TOR1AIP1: variants seen among roughly 807,000 people sequenced by gnomAD.
TOR1AIP1 encodes the protein torsin-1A-interacting protein 1.
A neutral mutation model predicts 63.3 loss-of-function variants in TOR1AIP1; 54 were observed. That is an observed-to-expected ratio of 0.85 (90% confidence interval 0.69 to 1.07). The LOEUF (loss-of-function observed/expected upper bound fraction) is 1.07. Among genes scored for constraint, TOR1AIP1 ranks in the 50% least tolerant of loss-of-function variants. TOR1AIP1 has a pLI of 0.00. For missense variants in TOR1AIP1, 736 were observed against 715.0 expected (o/e 1.03, Z -0.33); for synonymous variants, 294 against 273.5 (o/e 1.07, Z -0.74).
chr1:179,889,188 ACTT>A (rs1263471678), intron 2 of TOR1AIP1, 122 bp from the exon 3 acceptor site: 1 of 610,834 alleles, frequency 1.6e-6, no homozygotes, highest in Admixed American at 3.4e-5. Flanking sequence ...GCTTGTCTCT[ACTT>A]CTCTAGCGTA....
At chr1:179,883,999 G>A (rs1279490063) in intron 1 of TOR1AIP1, 1 of 189,600 alleles carries the variant, frequency 5.3e-6, no homozygotes, top group Non-Finnish European at 1.1e-5. Flanking sequence ...CACGGTGATA[G>A]GCTGCAAGTT....
chr1:179,911,187 G>A (rs1483584057), intron 8 of TOR1AIP1, among the ~76,000 whole-genome samples: 3 of 152,172 alleles, frequency 2.0e-5, no homozygotes, highest in East Asian at 3.8e-4. Context: ...ATAGAACGAT[G>A]AGCAAGAAGA....
chr1:179,917,624 C>T lies in TOR1AIP1; in HGVS notation c.1137C>T (p.Tyr379=), dbSNP rs1300256099. The T allele has an allele frequency of 1.9e-6, 3 of 1,614,098 alleles. No homozygotes were observed. Among genetic ancestry groups the T allele is most frequent in the South Asian group, 1.1e-5 (1 of 91,076 alleles). ...AGATGAATCAACTTAAGAATAAGTACCAAGGTCAAGATGAGAAGCTGTGGA... is the reference window on the plus strand; with the variant it reads ...AGATGAATCAACTTAAGAATAAGTATCAAGGTCAAGATGAGAAGCTGTGGA... ...QNQMNQLKNK[Y]QGQDEKLWKR... The change falls in exon 10 of 10, where the codon TAC becomes TAT. Residue 379 remains tyrosine (Y), a synonymous_variant. Coordinates refer to ENST00000606911, the MANE Select transcript of TOR1AIP1 (RefSeq NM_015602.4).
At chr1:179,883,851 C>T in intron 1 of TOR1AIP1, 1 of 325,988 alleles carries the variant, frequency 3.1e-6, no homozygotes, top group South Asian at 2.3e-5. Flanking sequence ...GGACCTAACA[C>T]TGAGTCACAG....
At chr1:179,896,217 C>T (rs1204411524) in intron 3 of TOR1AIP1, among the ~76,000 whole-genome samples, 2 of 152,144 alleles carry the variant, frequency 1.3e-5, no homozygotes, top group East Asian at 3.9e-4. Context: ...TAGCAAAAAT[C>T]TGGACTTAAC....
chr1:179,916,753 G>C (rs1371935783), intron 9 of TOR1AIP1, among the ~76,000 whole-genome samples: 2 of 127,738 alleles, frequency 1.6e-5, no homozygotes, highest in African/African-American at 3.0e-5. Flanking sequence ...ACCCAGGCTG[G>C]AGTGCAGTGG....
chr1:179,893,031 A>G (rs974023425), intron 3 of TOR1AIP1, among the ~76,000 whole-genome samples: 1 of 152,160 alleles, frequency 6.6e-6, no homozygotes, highest in Non-Finnish European at 1.5e-5. Flanking sequence ...ACCTGAGGTC[A>G]GGAGTTTGAG....
chr1:179,911,864 G>T (rs1180320805), intron 8 of TOR1AIP1, among the ~76,000 whole-genome samples: 3 of 151,906 alleles, frequency 2.0e-5, no homozygotes, highest in African/African-American at 7.2e-5. Context: ...AATGTTTTCT[G>T]TAGAATCAAT....
chr1:179,899,411 T>C (rs1648379648), intron 3 of TOR1AIP1, among the ~76,000 whole-genome samples: 2 of 152,228 alleles, frequency 1.3e-5, no homozygotes, highest in South Asian at 4.1e-4. Context: ...GAAGTTTCTT[T>C]ACCTTTCTTC....
chr1:179,900,066 C>T (rs1339997234), intron 3 of TOR1AIP1, 60 bp from the exon 4 acceptor site: 1 of 1,326,632 alleles, frequency 7.5e-7, no homozygotes, highest in African/African-American at 1.5e-5. Flanking sequence ...TTTGTTTATT[C>T]CTAAGCTTTA....
chr1:179,907,440 A>C (rs1244975570), intron 6 of TOR1AIP1, among the ~76,000 whole-genome samples: 3 of 150,918 alleles, frequency 2.0e-5, no homozygotes. Context: ...AAAAAAAAAA[A>C]AAAAAAAGAA....
At chr1:179,889,493 C>A in intron 3 of TOR1AIP1, 124 bp downstream of exon 3, 1 of 670,258 alleles carries the variant, frequency 1.5e-6, no homozygotes, top group South Asian at 3.7e-5. Context: ...ATTAAAAAAT[C>A]TCCCTGTCCC....
In TOR1AIP1 at chr1:179,901,351, T is replaced by C. The variant is rs1243020632; in HGVS notation, c.702T>C (p.Thr234=). The part of the protein sequence containing the change: ...DQDSSHSSVT[T]VKARSRDSDE... Reference sequence around the variant, plus strand: ...ACAGCTCTCACAGCAGTGTCACTACTGTTAAGGCCAGATCCAGGGATTCTG... The same window carrying C: ...ACAGCTCTCACAGCAGTGTCACTACCGTTAAGGCCAGATCCAGGGATTCTG... Residue 234 remains threonine (T), a synonymous_variant, in exon 5 of 10, where the codon ACT becomes ACC. Transcript: ENST00000606911. 6.2e-7 allele frequency: 1 copy of C among 1,610,294 alleles called. No homozygotes were observed.
rs987651209 is a variant in TOR1AIP1 at position 179,882,421 on chromosome 1, G to A, written c.-82G>A. The A allele has an allele frequency of 2.3e-6, 3 of 1,331,054 alleles. No homozygotes were observed. Among genetic ancestry groups the A allele is most frequent in the Middle Eastern group, 2.6e-4 (1 of 3,834 alleles). 82.5% of individuals were successfully genotyped at this position (1,331,054 alleles called of 1,614,324 possible). A position where few individuals can be genotyped will look rare whatever the true frequency, so the allele number is the denominator to read the frequency against. On this transcript the variant is annotated 5_prime_UTR_variant, in exon 1 of 10. Transcript: ENST00000606911. ...ACAGCGGCCACCGCCCAACACCCCCGAGAAGCCATCGCCACCACCGGCAGG... is the reference window on the plus strand; with the variant it reads ...ACAGCGGCCACCGCCCAACACCCCCAAGAAGCCATCGCCACCACCGGCAGG...
intron 7 of TOR1AIP1, 92 bp from the exon 8 acceptor site, chr1:179,908,513 G>T: frequency 2.0e-6 from 2 of 1,003,476 alleles, no homozygotes; most frequent in African/African-American, 1.6e-5. Flanking sequence ...ACTTTATTTT[G>T]TCTTTCTGAT....
chr1:179,903,875 G>C, intron 5 of TOR1AIP1, 91 bp from the exon 6 acceptor site: 1 of 852,404 alleles, frequency 1.2e-6, no homozygotes, highest in African/African-American at 1.8e-5. Flanking sequence ...GAATATTTTT[G>C]CTCTTTTTAT....
At position 179,899,825 on chromosome 1, in the gene TOR1AIP1, A is replaced by G. The variant is rs983471373; in HGVS notation, c.611-301A>G. Among the ~76,000 whole-genome samples the G allele has an allele frequency of 3.3e-5, 5 of 152,116 alleles. No individual in the cohort carries two copies. The East Asian group carries it at 9.7e-4, about 29-fold the overall frequency. ...ACTCCTGGCTGATTTTTGTATTTTT[A>G]GTGGAGACAGGGTTTCACCATGTTG... On this transcript the variant is annotated intron_variant, in intron 3 of 9. Transcript: ENST00000606911.
chr1:179,892,671 G>T (rs1648133432), intron 3 of TOR1AIP1, among the ~76,000 whole-genome samples: 2 of 151,102 alleles, frequency 1.3e-5, no homozygotes, highest in Admixed American at 1.3e-4. Context: ...TTGGGAGGTG[G>T]TGCTTGCAGT....
chr1:179,904,818 T>C (rs997608144), intron 6 of TOR1AIP1: 3 of 151,988 alleles, frequency 2.0e-5, no homozygotes, highest in African/African-American at 7.3e-5. Context: ...AGAGACAGAG[T>C]CTCACTATCT....
Sources: allele counts gnomAD v4.1 joint callset (sites outside exome capture counted in the v4.1 genomes callset), GRCh38; gene constraint gnomAD v4.1.1; transcripts MANE v1.5; gene names NCBI Gene and HGNC (gene_info 2026-07-23, HGNC 2026-07-21).